TRDMT1: variants seen among roughly 807,000 people sequenced by gnomAD.
TRDMT1 encodes the protein tRNA aspartic acid methyltransferase 1.
Under a neutral mutation model 51.2 loss-of-function variants are expected in TRDMT1, and 49 were observed. The observed-to-expected ratio is 0.96, with a 90% CI of 0.76 to 1.21. The LOEUF is 1.21. Among genes scored for constraint, TRDMT1 ranks in the 50% most tolerant of loss-of-function variants. TRDMT1 has a pLI of 0.00. For synonymous variants in TRDMT1, 187 were observed against 164.6 expected, an observed-to-expected ratio of 1.14 and a Z score of -1.04; for missense variants, 534 against 462.3, an observed-to-expected ratio of 1.16 and a Z score of -1.42.
intron 1 of TRDMT1, among the ~76,000 whole-genome samples, chr10:17,178,677 GAA>G (rs3054721): frequency 0.18 from 19,181 of 103,736 alleles, 1,325 homozygotes; most frequent in Admixed American, 0.23. Flanking sequence ...CTCTGTCTCG[GAA>G]AAAAAAAAAA....
Position 17,144,694 on chromosome 10 carries a change from T to A in TRDMT1, c.*4346A>T, listed in dbSNP as rs1837953546. ...AATTCACAAGCTAAGACATGAATGG[T>A]GATGGAGTTTGGATCTTGATTGTGT... On this transcript the variant is annotated 3_prime_UTR_variant, in exon 11 of 11. Coordinates refer to ENST00000377799, the MANE Select transcript of TRDMT1 (RefSeq NM_004412.7). 1 of 985,230 alleles carries A rather than the reference T, an allele frequency of 1.0e-6. No individual in the cohort carries two copies. Among genetic ancestry groups the A allele is most frequent in the South Asian group, 4.7e-5 (1 of 21,288 alleles). The allele number at this position is 985,230 out of a possible 1,614,324, so 61.0% of individuals were successfully genotyped here.
rs569751122 is a variant in TRDMT1 at position 17,179,517 on chromosome 10, T to C, written c.65-4857A>G. On this transcript the variant is annotated intron_variant, in intron 1 of 10. Coordinates refer to ENST00000377799, the MANE Select transcript of TRDMT1 (RefSeq NM_004412.7). ...GGCATTTATCTGGAATATTATAGATTAAATAGATAAAATAATAATGATAAT... is the reference window on the plus strand; with the variant it reads ...GGCATTTATCTGGAATATTATAGATCAAATAGATAAAATAATAATGATAAT... Among the ~76,000 whole-genome samples the C allele has an allele frequency of 2.0e-5, 3 of 151,924 alleles. No homozygotes were observed. In the South Asian group the frequency reaches 6.3e-4, roughly 32 times the overall value.
At chr10:17,161,335 T>C (rs1425464634) in intron 5 of TRDMT1, 148 bp downstream of exon 5, 4 of 451,002 alleles carry the variant, frequency 8.9e-6, no homozygotes, top group Non-Finnish European at 1.4e-5. Context: ...TAATACATTA[T>C]TAGTAAAATC....
chr10:17,146,162 A>C lies in TRDMT1; in HGVS notation c.*2878T>G. On this transcript the variant is annotated 3_prime_UTR_variant, in exon 11 of 11. Coordinates refer to ENST00000377799, the MANE Select transcript of TRDMT1 (RefSeq NM_004412.7). ...GAAAAGTTGGATAATTTCAAGCAAC[A>C]GTTTACCCTCAAATTTCTAAAAAAG... The C allele has an allele frequency of 1.0e-6, 1 of 985,484 alleles. No individual in the cohort carries two copies. Among genetic ancestry groups the C allele is most frequent in the Non-Finnish European group, 1.2e-6 (1 of 829,932 alleles). 61.0% of individuals were successfully genotyped at this position (985,484 alleles called of 1,614,324 possible).
chr10:17,143,989 T>C lies in TRDMT1; in HGVS notation c.*5051A>G. On this transcript the variant is annotated 3_prime_UTR_variant, in exon 11 of 11. Coordinates refer to ENST00000377799, the MANE Select transcript of TRDMT1 (RefSeq NM_004412.7). ...ATGTCCCAGCATGAAGATTCTAGAA[T>C]AGGACTTAGGAAAACAGCAGATTTA... The C allele has an allele frequency of 1.0e-6, 1 of 985,396 alleles. No individual in the cohort carries two copies. Among genetic ancestry groups the C allele is most frequent in the Non-Finnish European group, 1.2e-6 (1 of 829,930 alleles). The allele number at this position is 985,396 out of a possible 1,614,324, so 61.0% of individuals were successfully genotyped here.
intron 1 of TRDMT1, among the ~76,000 whole-genome samples, chr10:17,185,009 G>C (rs1340166223): frequency 2.0e-5 from 3 of 152,056 alleles, no homozygotes; most frequent in Non-Finnish European, 4.4e-5. Flanking sequence ...GCGTGATTTA[G>C]GCAAGTTTCT....
rs75687718 is a variant in TRDMT1 at position 17,145,723 on chromosome 10, G to A, written c.*3317C>T. On this transcript the variant is annotated 3_prime_UTR_variant, in exon 11 of 11. Coordinates refer to ENST00000377799, the MANE Select transcript of TRDMT1 (RefSeq NM_004412.7). Reference sequence around the variant, plus strand: ...TGTTATCTTGGCTTTTTTAGAAACCGCTTGTTTCTAAACTCTTAAGTTATC... The same window carrying A: ...TGTTATCTTGGCTTTTTTAGAAACCACTTGTTTCTAAACTCTTAAGTTATC... The A allele has an allele frequency of 6.2e-5, 61 of 985,352 alleles. No homozygotes were observed. In the East Asian group the frequency reaches 1.9e-3, roughly 31 times the overall value. 61.0% of individuals were successfully genotyped at this position (985,352 alleles called of 1,614,324 possible). A position where few individuals can be genotyped will look rare whatever the true frequency, so the allele number is the denominator to read the frequency against.
intron 1 of TRDMT1, among the ~76,000 whole-genome samples, chr10:17,193,515 T>C (rs1844978503): frequency 6.6e-6 from 1 of 152,166 alleles, no homozygotes; most frequent in African/African-American, 2.4e-5. Context: ...ACAAATAATG[T>C]TCAAACTGAG....
intron 4 of TRDMT1, 118 bp from the exon 5 acceptor site, chr10:17,161,666 G>T: frequency 1.7e-6 from 1 of 591,334 alleles, no homozygotes; most frequent in Non-Finnish European, 2.6e-6. Context: ...TTTTTAAAAT[G>T]GAATTTTATA....
intron 5 of TRDMT1, among the ~76,000 whole-genome samples, 154 bp from the exon 6 acceptor site, chr10:17,160,528 A>G (rs559868144): frequency 3.3e-5 from 5 of 152,194 alleles, no homozygotes; most frequent in African/African-American, 1.2e-4. Flanking sequence ...CTGGAATGCA[A>G]TGGCAGAATC....
intron 6 of TRDMT1, among the ~76,000 whole-genome samples, chr10:17,159,503 G>A (rs12358430): frequency 2.6e-4 from 39 of 151,832 alleles, no homozygotes; most frequent in Non-Finnish European, 4.4e-4. Context: ...CAGCTAAGAC[G>A]TAGTATAGAT....
chr10:17,183,707 G>A (rs1001207922), intron 1 of TRDMT1, among the ~76,000 whole-genome samples: 1 of 152,092 alleles, frequency 6.6e-6, no homozygotes, highest in African/African-American at 2.4e-5. Flanking sequence ...ATGAGCCACC[G>A]CACCTGGCAA....
chr10:17,154,183 A>G (rs908450840), intron 9 of TRDMT1, among the ~76,000 whole-genome samples: 3 of 152,208 alleles, frequency 2.0e-5, no homozygotes, highest in Non-Finnish European at 4.4e-5. Flanking sequence ...ATGTGATCTC[A>G]CTTTAAAAGT....
Position 17,154,647 on chromosome 10 carries a change from AGTGTTTTAGCTTTAAAACAT to A in TRDMT1, c.945+10_945+29del. On this transcript the variant is annotated intron_variant, in intron 9 of 10. Coordinates refer to ENST00000377799, the MANE Select transcript of TRDMT1 (RefSeq NM_004412.7). ...AAACAATTTTAGTTAAAAGTTTTAA[AGTGTTTTAGCTTTAAAACAT>A]GCATAGTACCTGCACATCCTCTGCA... The A allele has an allele frequency of 1.3e-6, 2 of 1,527,046 alleles. No homozygotes were observed. The highest frequency in any genetic ancestry group is 1.8e-6 in the Non-Finnish European group (2 of 1,141,240). The allele number at this position is 1,527,046 out of a possible 1,614,324, so 94.6% of individuals were successfully genotyped here.
intron 1 of TRDMT1, among the ~76,000 whole-genome samples, chr10:17,189,222 T>G (rs1326996975): frequency 2.0e-5 from 3 of 152,218 alleles, no homozygotes; most frequent in Non-Finnish European, 4.4e-5. Flanking sequence ...TATAAGAGTG[T>G]ATGTATATAT....
chr10:17,181,212 G>C (rs1052930028), intron 1 of TRDMT1, among the ~76,000 whole-genome samples: 2 of 152,182 alleles, frequency 1.3e-5, no homozygotes, highest in African/African-American at 2.4e-5. Context: ...TAAAGGAAGA[G>C]AGTGGTAGTT....
chr10:17,196,665 C>T (rs868264250), intron 1 of TRDMT1, among the ~76,000 whole-genome samples: 5 of 152,262 alleles, frequency 3.3e-5, no homozygotes, highest in African/African-American at 1.2e-4. Flanking sequence ...ATACTGTGGC[C>T]ATCTAGAATC....
At position 17,139,179 on chromosome 10, in the gene TRDMT1, C is replaced by T; in HGVS notation, c.*9861G>A. 2.0e-6 allele frequency: 2 copies of T among 985,348 alleles called. No individual in the cohort carries two copies. The highest frequency in any genetic ancestry group is 2.4e-6 in the Non-Finnish European group (2 of 829,910). 61.0% of individuals were successfully genotyped at this position (985,348 alleles called of 1,614,324 possible). ...CGGAGTTTACCATAGGTGAACCCTC[C>T]TGCCATCCTGTTCCAAATCAACCTA... On this transcript the variant is annotated 3_prime_UTR_variant, in exon 11 of 11. Transcript: ENST00000377799.
Position 17,148,273 on chromosome 10 carries a change from G to A in TRDMT1, c.*767C>T, listed in dbSNP as rs1194232287. ...GCAGCTTCCTCCCTGAAATCTTAAC[G>A]TCATGCTACATTCCTCAGCGTGCAA... is the stretch of plus-strand genomic sequence containing the variant. On this transcript the variant is annotated 3_prime_UTR_variant, in exon 11 of 11. Coordinates refer to ENST00000377799, the MANE Select transcript of TRDMT1 (RefSeq NM_004412.7). 1.6e-5 allele frequency: 16 copies of A among 985,426 alleles called. No individual in the cohort carries two copies. Among genetic ancestry groups the A allele is most frequent in the Non-Finnish European group, 1.7e-5 (14 of 829,950 alleles). 61.0% of individuals were successfully genotyped at this position (985,426 alleles called of 1,614,324 possible). A position where few individuals can be genotyped will look rare whatever the true frequency, so the allele number is the denominator to read the frequency against.
Sources: allele counts gnomAD v4.1 joint callset (sites outside exome capture counted in the v4.1 genomes callset), GRCh38; gene constraint gnomAD v4.1.1; transcripts MANE v1.5; gene names NCBI Gene and HGNC (gene_info 2026-07-23, HGNC 2026-07-21).